The following QDPR variants were observed in gnomAD, a reference collection of about 807,000 sequenced individuals.
QDPR encodes the protein dihydropteridine reductase.
A neutral mutation model predicts 31.7 loss-of-function variants in QDPR; 23 were observed. The ratio of observed to expected loss-of-function variants is 0.73; its 90% CI spans 0.52 to 1.03. The LOEUF (loss-of-function observed/expected upper bound fraction) is 1.03, where lower values mean the gene tolerates loss of function less well. Among genes scored for constraint, QDPR ranks in the 50% least tolerant of loss-of-function variants. The pLI is 0.00. For missense variants in QDPR, 324 were observed against 323.8 expected, an observed-to-expected ratio of 1.00 and a Z score of 0.00; for synonymous variants, 124 against 124.7, an observed-to-expected ratio of 0.99 and a Z score of 0.03.
At chr4:17,511,228 G>C (rs1029929756) in intron 1 of QDPR, among the ~76,000 whole-genome samples, 3 of 152,128 alleles carry the variant, frequency 2.0e-5, no homozygotes, top group African/African-American at 4.8e-5. Context: ...GAGCGGCTGA[G>C]GTCAAGGGTC....
At chr4:17,487,310 C>T (rs1199644302) in intron 6 of QDPR, 74 bp from the exon 7 acceptor site, 13 of 712,680 alleles carry the variant, frequency 1.8e-5, no homozygotes, top group Middle Eastern at 5.3e-4. Flanking sequence ...TTCACAGTGA[C>T]GGCTTGTGGG....
At chr4:17,505,846 C>CTCCT (rs1718769388) in intron 2 of QDPR, among the ~76,000 whole-genome samples, 1 of 152,114 alleles carries the variant, frequency 6.6e-6, no homozygotes, top group South Asian at 2.1e-4. Flanking sequence ...GGAGAAGGTA[C>CTCCT]TCCTCTTCCT....
At chr4:17,510,755 A>G (rs990320152) in intron 1 of QDPR, among the ~76,000 whole-genome samples, 1 of 152,186 alleles carries the variant, frequency 6.6e-6, no homozygotes, top group Admixed American at 6.5e-5. Flanking sequence ...TTAAGAGTCT[A>G]TGGGAACTCT....
chr4:17,487,347 G>C, intron 6 of QDPR, 111 bp from the exon 7 acceptor site: 1 of 829,460 alleles, frequency 1.2e-6, no homozygotes, highest in South Asian at 1.4e-5. Flanking sequence ...GCACAGCAGC[G>C]ACTGTTTAAA....
chr4:17,505,852 T>C (rs893695488), intron 2 of QDPR, among the ~76,000 whole-genome samples: 1 of 152,188 alleles, frequency 6.6e-6, no homozygotes, highest in Non-Finnish European at 1.5e-5. Flanking sequence ...GGTACTCCTC[T>C]TCCTTTGGTG....
intron 3 of QDPR, among the ~76,000 whole-genome samples, chr4:17,503,225 AT>A (rs542703820): frequency 1.3e-5 from 2 of 152,198 alleles, no homozygotes; most frequent in African/African-American, 4.8e-5. Flanking sequence ...ATCACAGGGG[AT>A]TTTTTTAAAA....
chr4:17,491,932 A>C (rs1331763535), intron 5 of QDPR, among the ~76,000 whole-genome samples: 2 of 152,188 alleles, frequency 1.3e-5, no homozygotes, highest in African/African-American at 4.8e-5. Context: ...AGAAGGCGCC[A>C]TCTATGAGGA....
rs766006219 is a variant in QDPR at position 17,509,338 on chromosome 4, TCCA to T, written c.128_130del (p.Val43del). 3.1e-6 allele frequency: 5 copies of T among 1,613,828 alleles called. No individual in the cohort carries two copies. In the African/African-American group the frequency reaches 6.7e-5, roughly 22 times the overall value. ...GATGCTAGCGCTGGCCTCTTCATTC[TCCA>T]CCACATCAACGCTGGCAACCCACTG... On this transcript the variant is annotated inframe_deletion, in exon 2 of 7. Transcript: ENST00000281243.
intron 1 of QDPR, among the ~76,000 whole-genome samples, chr4:17,511,743 A>C (rs1290672269): frequency 6.6e-6 from 1 of 152,154 alleles, no homozygotes; most frequent in Non-Finnish European, 1.5e-5. Flanking sequence ...CTCCTTGCAC[A>C]GCAAAGGCCC....
intron 6 of QDPR, among the ~76,000 whole-genome samples, chr4:17,487,682 G>T (rs1445538440): frequency 6.6e-6 from 1 of 151,430 alleles, no homozygotes; most frequent in Non-Finnish European, 1.5e-5. Flanking sequence ...GCCACTAAAG[G>T]TCAGGCATTA....
intron 2 of QDPR, among the ~76,000 whole-genome samples, chr4:17,508,200 G>T (rs1369175477): frequency 1.3e-5 from 2 of 152,148 alleles, no homozygotes; most frequent in African/African-American, 4.8e-5. Context: ...ACTTTGGGAG[G>T]CCAAGGTGGG....
intron 1 of QDPR, among the ~76,000 whole-genome samples, chr4:17,510,423 C>T (rs1195541764): frequency 6.6e-6 from 1 of 152,242 alleles, no homozygotes; most frequent in Non-Finnish European, 1.5e-5. Context: ...CTCAGGGTCT[C>T]TTGGTCTGAA....
At chr4:17,502,701 G>A (rs1254777375) in intron 3 of QDPR, among the ~76,000 whole-genome samples, 3 of 152,150 alleles carry the variant, frequency 2.0e-5, no homozygotes, top group African/African-American at 4.8e-5. Context: ...AATGGCTTTG[G>A]CTAATAAATG....
intron 6 of QDPR, among the ~76,000 whole-genome samples, chr4:17,487,720 T>A (rs1189131203): frequency 6.6e-6 from 1 of 152,110 alleles, no homozygotes; most frequent in Non-Finnish European, 1.5e-5. Flanking sequence ...CCCAGCACTT[T>A]GAGATGCCAA....
At chr4:17,508,972 C>T (rs1331810693) in intron 2 of QDPR, among the ~76,000 whole-genome samples, 1 of 152,118 alleles carries the variant, frequency 6.6e-6, no homozygotes, top group Admixed American at 6.5e-5. Context: ...GCCTGGCCAA[C>T]ATGGTGAAAC....
At chr4:17,505,308 G>A (rs1202500019) in intron 2 of QDPR, among the ~76,000 whole-genome samples, 4 of 146,204 alleles carry the variant, frequency 2.7e-5, no homozygotes, top group Non-Finnish European at 4.5e-5. Flanking sequence ...GTGCGATGGC[G>A]CCATCTCGGC....
At chr4:17,505,643 G>C (rs1718761448) in intron 2 of QDPR, among the ~76,000 whole-genome samples, 1 of 152,184 alleles carries the variant, frequency 6.6e-6, no homozygotes, top group Non-Finnish European at 1.5e-5. Context: ...CTTGAGCCCA[G>C]GAGTTCAAGA....
At chr4:17,487,721 G>A (rs1486747529) in intron 6 of QDPR, among the ~76,000 whole-genome samples, 3 of 152,146 alleles carry the variant, frequency 2.0e-5, no homozygotes, top group Admixed American at 2.0e-4. Flanking sequence ...CCAGCACTTT[G>A]AGATGCCAAG....
At chr4:17,491,291 C>T (rs1253482793) in intron 5 of QDPR, among the ~76,000 whole-genome samples, 1 of 152,232 alleles carries the variant, frequency 6.6e-6, no homozygotes, top group Admixed American at 6.5e-5. Flanking sequence ...TTCAAAACAG[C>T]TGTGGGAATC....
Sources: gnomAD v4.1 joint callset for allele counts (sites outside exome capture counted in the v4.1 genomes callset) on GRCh38, gnomAD v4.1.1 for gene constraint, MANE v1.5 for transcripts, NCBI Gene and HGNC (gene_info 2026-07-23, HGNC 2026-07-21) for gene names.